LRBA: variants seen among roughly 807,000 people sequenced by gnomAD.
LRBA encodes the protein LPS responsive beige-like anchor protein, also known as lipopolysaccharide-responsive and beige-like anchor protein.
LRBA carries 176 observed loss-of-function variants against 330.0 expected under a neutral mutation model. The observed-to-expected ratio is 0.53, with a 90% confidence interval of 0.47 to 0.60. The LOEUF (loss-of-function observed/expected upper bound fraction) is 0.60. LRBA is among the 20% of genes least tolerant of loss of function. The probability of loss-of-function intolerance (pLI) is 0.00; values close to 1 mark genes in which losing one functional copy is unlikely to be tolerated. For missense variants in LRBA, 3,259 were observed against 3,444.8 expected, an observed-to-expected ratio of 0.95 and a Z score of 1.35; for synonymous variants, 1,230 against 1,193.0, an observed-to-expected ratio of 1.03 and a Z score of -0.64.
chr4:150,394,287 G>C (rs1326594416), intron 47 of LRBA, among the ~76,000 whole-genome samples: 1 of 152,136 alleles, frequency 6.6e-6, no homozygotes, highest in East Asian at 1.9e-4. Context: ...CAAATATTCT[G>C]AGTATGAATG....
chr4:150,805,436 AGGAAGGAAAG>A (rs1474786798), intron 33 of LRBA, among the ~76,000 whole-genome samples: 8 of 88,550 alleles, frequency 9.0e-5, no homozygotes, highest in South Asian at 3.8e-4. Flanking sequence ...AGGAAAGGAA[AGGAAGGAAAG>A]GGAAAGGAAA....
chr4:150,787,834 TCTA>T, intron 34 of LRBA, among the ~76,000 whole-genome samples: 1 of 152,336 alleles, frequency 6.6e-6, no homozygotes, highest in East Asian at 1.9e-4. Context: ...ACCATCCTTC[TCTA>T]CTATCTCTGA....
intron 47 of LRBA, among the ~76,000 whole-genome samples, chr4:150,354,217 C>T (rs1737531056): frequency 6.6e-6 from 1 of 151,904 alleles, no homozygotes; most frequent in Non-Finnish European, 1.5e-5. Flanking sequence ...ATTAAAATAG[C>T]TTTTTTATAT....
At chr4:150,553,910 G>C (rs1239152553) in intron 40 of LRBA, among the ~76,000 whole-genome samples, 3 of 152,182 alleles carry the variant, frequency 2.0e-5, no homozygotes, top group Admixed American at 2.0e-4. Flanking sequence ...GAGTTCACTG[G>C]TTCCAGAGGC....
chr4:150,469,916 C>T lies in LRBA; in HGVS notation c.6667+1708G>A, dbSNP rs1755880976. ...AACCATAATTGGCAGGGCGTGGTGG[C>T]TCACGCCTGTAATCCTAGCACTTTG... On this transcript the variant is annotated intron_variant, in intron 43 of 56. Coordinates refer to ENST00000651943, the MANE Select transcript of LRBA (RefSeq NM_001364905.1). 2.0e-5 allele frequency among the ~76,000 whole-genome samples: 3 copies of T among 152,190 alleles called. No homozygotes were observed. The South Asian group carries it at 6.2e-4, about 32-fold the overall frequency.
chr4:150,417,278 A>T (rs182387276), intron 46 of LRBA, among the ~76,000 whole-genome samples: 54 of 152,234 alleles, frequency 3.5e-4, no homozygotes, highest in Non-Finnish European at 6.0e-4. Context: ...AATTTTTGTA[A>T]TGTGATTTAT....
At chr4:150,683,190 A>G (rs572182895) in intron 37 of LRBA, among the ~76,000 whole-genome samples, 1 of 152,314 alleles carries the variant, frequency 6.6e-6, no homozygotes, top group Admixed American at 6.5e-5. Context: ...AAAATGTTAT[A>G]TACGTAAAAA....
rs115263128 is a variant in LRBA, at chr4:150,758,125, T to C, written c.5645+3658A>G. On this transcript the variant is annotated intron_variant, in intron 35 of 56. Coordinates refer to ENST00000651943, the MANE Select transcript of LRBA (RefSeq NM_001364905.1). ...GTTCCACAGAATAATACAGGTCCAG[T>C]AGACACCTGTATATGCAGTAAAGTG... is the stretch of plus-strand genomic sequence containing the variant. Among the ~76,000 whole-genome samples, 650 of 152,300 alleles carry C rather than the reference T, an allele frequency of 4.3e-3. 4 individuals carry two copies. Among genetic ancestry groups the C allele is most frequent in the African/African-American group, 0.015 (629 of 41,572 alleles).
At chr4:150,942,818 T>C (rs919525035) in intron 2 of LRBA, among the ~76,000 whole-genome samples, 1 of 152,190 alleles carries the variant, frequency 6.6e-6, no homozygotes, top group African/African-American at 2.4e-5. Flanking sequence ...ACTATCTGAC[T>C]CATAGTCTCA....
rs182782060 is a variant in LRBA, at chr4:150,429,285, A to G, written c.7041+6304T>C. 7.4e-4 allele frequency among the ~76,000 whole-genome samples: 113 copies of G among 152,164 alleles called. 1 individual carries two copies. Among genetic ancestry groups the G allele is most frequent in the Admixed American group, 6.6e-4 (10 of 15,264 alleles). On this transcript the variant is annotated intron_variant, in intron 46 of 56. Transcript: ENST00000651943. Reference sequence around the variant, plus strand: ...GAATGAGTTCTTAAAGATAACTAAAACAAATGCCTCAGGTGAAAGGAAAAG... The same window carrying G: ...GAATGAGTTCTTAAAGATAACTAAAGCAAATGCCTCAGGTGAAAGGAAAAG...
Position 150,655,657 on chromosome 4 carries a change from T to C in LRBA, c.5921+27894A>G, listed in dbSNP as rs570238352. Among the ~76,000 whole-genome samples, 212 of 152,302 alleles carry C rather than the reference T, an allele frequency of 1.4e-3. 5 individuals are homozygous for C. The South Asian group carries it at 0.042, about 30-fold the overall frequency. The stretch of plus-strand genomic sequence containing the variant: ...AAACCAAAAGTTTGCTGTCAAGATA[T>C]ACAAATGGCCAGTGCTGTTTCTGTC... On this transcript the variant is annotated intron_variant, in intron 37 of 56. Coordinates refer to ENST00000651943, the MANE Select transcript of LRBA (RefSeq NM_001364905.1).
At chr4:150,892,233 C>T (rs757255987) in intron 17 of LRBA, among the ~76,000 whole-genome samples, 4 of 152,170 alleles carry the variant, frequency 2.6e-5, no homozygotes, top group Non-Finnish European at 2.9e-5. Flanking sequence ...CTTCCTTATA[C>T]GTAAAATAGA....
intron 23 of LRBA, among the ~76,000 whole-genome samples, chr4:150,851,581 A>G (rs1750625244): frequency 6.6e-6 from 1 of 152,246 alleles, no homozygotes; most frequent in African/African-American, 2.4e-5. Context: ...TTAGTCAAAT[A>G]AAAGGTAAAA....
chr4:150,549,264 A>AT, intron 40 of LRBA, among the ~76,000 whole-genome samples: 1 of 151,414 alleles, frequency 6.6e-6, no homozygotes, highest in East Asian at 1.9e-4. Flanking sequence ...CTATTTGTAT[A>AT]TTTTTTCTAT....
chr4:150,777,010 T>A (rs1363231743), intron 34 of LRBA, among the ~76,000 whole-genome samples: 1 of 152,162 alleles, frequency 6.6e-6, no homozygotes, highest in Non-Finnish European at 1.5e-5. Context: ...TACAAAAGTA[T>A]TATAAGCTAA....
At chr4:150,998,510 C>G (rs920086221) in intron 2 of LRBA, among the ~76,000 whole-genome samples, 1 of 152,012 alleles carries the variant, frequency 6.6e-6, no homozygotes, top group African/African-American at 2.4e-5. Flanking sequence ...CACACTACCA[C>G]GTAGACCTGA....
chr4:150,398,545 T>C (rs1337240944), intron 47 of LRBA, among the ~76,000 whole-genome samples: 3 of 152,176 alleles, frequency 2.0e-5, no homozygotes, highest in African/African-American at 4.8e-5. Context: ...TCTTAAGTAA[T>C]AGAGGAAACT....
At chr4:150,889,198 T>C (rs557223159) in intron 17 of LRBA, among the ~76,000 whole-genome samples, 60 of 152,162 alleles carry the variant, frequency 3.9e-4, no homozygotes, top group Admixed American at 1.3e-3. Context: ...ATTTAACCTA[T>C]TTATGTCTAG....
chr4:150,403,347 G>A (rs1745753621), intron 47 of LRBA, among the ~76,000 whole-genome samples: 2 of 152,124 alleles, frequency 1.3e-5, no homozygotes, highest in African/African-American at 2.4e-5. Context: ...TTCATATTGC[G>A]AGCCCATTAG....
Sources: allele counts gnomAD v4.1 joint callset (sites outside exome capture counted in the v4.1 genomes callset), GRCh38; gene constraint gnomAD v4.1.1; transcripts MANE v1.5; gene names NCBI Gene and HGNC (gene_info 2026-07-23, HGNC 2026-07-21).